SMYD3: variants seen among roughly 807,000 people sequenced by gnomAD.
SMYD3 encodes SET and MYND domain containing 3.
In SMYD3, 36 loss-of-function variants were observed where a neutral mutation model predicts 57.7. The ratio of observed to expected loss-of-function variants is 0.62; its 90% CI spans 0.48 to 0.82. The LOEUF (loss-of-function observed/expected upper bound fraction) is 0.82. Ranked by LOEUF, SMYD3 falls within the 40% of genes least tolerant of loss-of-function variation. The pLI is 0.00. For synonymous variants in SMYD3, 211 were observed against 195.0 expected, an observed-to-expected ratio of 1.08 and a Z score of -0.68; for missense variants, 515 against 538.8, an observed-to-expected ratio of 0.96 and a Z score of 0.44.
chr1:245,812,832 A>G (rs899581234), intron 10 of SMYD3, among the ~76,000 whole-genome samples: 4 of 151,822 alleles, frequency 2.6e-5, no homozygotes, highest in Non-Finnish European at 5.9e-5. Flanking sequence ...ATTTATCAGG[A>G]TATAGTCATG....
At chr1:246,198,422 T>C (rs1169066958) in intron 5 of SMYD3, among the ~76,000 whole-genome samples, 1 of 152,254 alleles carries the variant, frequency 6.6e-6, no homozygotes, top group African/African-American at 2.4e-5. Flanking sequence ...AATGAAATAC[T>C]ATTTTATTTT....
intron 5 of SMYD3, among the ~76,000 whole-genome samples, chr1:246,303,092 G>A (rs775822069): frequency 6.6e-6 from 1 of 152,236 alleles, no homozygotes; most frequent in Non-Finnish European, 1.5e-5. Flanking sequence ...AGAGCAGACA[G>A]AGTCTATGCT....
At chr1:246,177,341 C>T (rs1165684948) in intron 5 of SMYD3, among the ~76,000 whole-genome samples, 1 of 152,170 alleles carries the variant, frequency 6.6e-6, no homozygotes, top group Non-Finnish European at 1.5e-5. Context: ...GAGGACAAAA[C>T]AAAAACCTTT....
chr1:246,386,050 A>G (rs555308144), intron 1 of SMYD3, among the ~76,000 whole-genome samples: 84 of 152,136 alleles, frequency 5.5e-4, no homozygotes, highest in African/African-American at 1.9e-3. Flanking sequence ...CACCACGCCC[A>G]GCTAATTTTT....
chr1:245,882,801 A>G (rs1400907034), intron 8 of SMYD3, among the ~76,000 whole-genome samples: 1 of 152,246 alleles, frequency 6.6e-6, no homozygotes. Flanking sequence ...TAAATGATAT[A>G]TCACATAGCA....
chr1:246,456,155 T>C (rs2067696780), intron 1 of SMYD3, among the ~76,000 whole-genome samples: 1 of 152,184 alleles, frequency 6.6e-6, no homozygotes, highest in Admixed American at 6.5e-5. Flanking sequence ...TTCTTCTCAT[T>C]CTCCCTGTTT....
At chr1:246,410,579 T>C (rs1240832443) in intron 1 of SMYD3, among the ~76,000 whole-genome samples, 1 of 152,194 alleles carries the variant, frequency 6.6e-6, no homozygotes, top group African/African-American at 2.4e-5. Flanking sequence ...TTGCCAGTAT[T>C]TTATTGAGGA....
intron 5 of SMYD3, among the ~76,000 whole-genome samples, chr1:246,115,812 T>C (rs545772897): frequency 2.0e-5 from 3 of 152,256 alleles, no homozygotes; most frequent in South Asian, 4.1e-4. Flanking sequence ...AAAGAGATAA[T>C]AGATGAGCCA....
rs112411079 is a variant in SMYD3 at position 246,141,687 on chromosome 1, TA to T, written c.531+185513del. 2.8e-4 allele frequency among the ~76,000 whole-genome samples: 42 copies of T among 152,164 alleles called. No homozygotes were observed. In the South Asian group the frequency reaches 2.9e-3, roughly 11 times the overall value. ...ACTAACATGCCAACGTAAACACATT[TA>T]AAAAAAATCTTCATTTAAATTTATT... On this transcript the variant is annotated intron_variant, in intron 5 of 11. Coordinates refer to ENST00000490107, the MANE Select transcript of SMYD3 (RefSeq NM_001167740.2).
chr1:246,071,834 T>A (rs12032079), intron 5 of SMYD3, among the ~76,000 whole-genome samples: 918 of 112,166 alleles, frequency 8.2e-3, no homozygotes, highest in East Asian at 0.046. Context: ...CTGTGGATGC[T>A]TCCTGTTAGT....
intron 10 of SMYD3, among the ~76,000 whole-genome samples, chr1:245,783,075 C>G (rs1307875939): frequency 6.6e-6 from 1 of 152,172 alleles, no homozygotes; most frequent in Non-Finnish European, 1.5e-5. Flanking sequence ...ATGTTTATTC[C>G]ATATACAGAC....
At chr1:246,427,526 A>AAT (rs2067237682) in intron 1 of SMYD3, among the ~76,000 whole-genome samples, 1 of 147,372 alleles carries the variant, frequency 6.8e-6, no homozygotes, top group Non-Finnish European at 1.5e-5. Context: ...TCTCAAAAAA[A>AAT]AAAAAAATAA....
intron 1 of SMYD3, among the ~76,000 whole-genome samples, chr1:246,469,285 A>G (rs1202410083): frequency 1.3e-5 from 2 of 152,152 alleles, no homozygotes; most frequent in Non-Finnish European, 2.9e-5. Flanking sequence ...CCATTCCACA[A>G]TTCCCCTTGG....
intron 5 of SMYD3, among the ~76,000 whole-genome samples, chr1:246,172,959 A>T (rs1490981092): frequency 2.0e-5 from 3 of 148,232 alleles, no homozygotes; most frequent in Admixed American, 6.7e-5. Context: ...CACTCACTGT[A>T]CTCTACTGTA....
At chr1:246,436,866 C>T (rs1490690192) in intron 1 of SMYD3, among the ~76,000 whole-genome samples, 3 of 149,908 alleles carry the variant, frequency 2.0e-5, no homozygotes, top group Non-Finnish European at 3.0e-5. Flanking sequence ...GGGAAAAGGA[C>T]GATAGGGAAT....
intron 1 of SMYD3, among the ~76,000 whole-genome samples, chr1:246,444,579 T>C (rs1045397515): frequency 6.6e-6 from 1 of 152,034 alleles, no homozygotes; most frequent in Non-Finnish European, 1.5e-5. Flanking sequence ...AATGGAGAGG[T>C]AGGAAGGAAG....
chr1:245,963,416 C>T (rs958036874), intron 5 of SMYD3, among the ~76,000 whole-genome samples: 5 of 152,050 alleles, frequency 3.3e-5, no homozygotes, highest in African/African-American at 1.2e-4. Flanking sequence ...AATCAGTACC[C>T]GGTAGAAACC....
At position 246,003,388 on chromosome 1, in the gene SMYD3, G is replaced by A. The variant is rs12096444; in HGVS notation, c.532-73451C>T. Among the ~76,000 whole-genome samples, 166 of 152,282 alleles carry A rather than the reference G, an allele frequency of 1.1e-3. 1 individual carries two copies. Among genetic ancestry groups the A allele is most frequent in the African/African-American group, 3.7e-3 (152 of 41,564 alleles). ...ATCAAACTCTTTTAGGACTAATTCC[G>A]TCTTGCAACAATTCCAGGCAATAAA... On this transcript the variant is annotated intron_variant, in intron 5 of 11. Coordinates refer to ENST00000490107, the MANE Select transcript of SMYD3 (RefSeq NM_001167740.2).
chr1:245,858,807 T>C, intron 9 of SMYD3, 137 bp from the exon 10 acceptor site: 1 of 833,328 alleles, frequency 1.2e-6, no homozygotes, highest in Non-Finnish European at 1.8e-6. Flanking sequence ...ATGAGCTGCC[T>C]GAAAACACAC....
Sources: gnomAD v4.1 joint callset for allele counts (sites outside exome capture counted in the v4.1 genomes callset) on GRCh38, gnomAD v4.1.1 for gene constraint, MANE v1.5 for transcripts, NCBI Gene and HGNC (gene_info 2026-07-23, HGNC 2026-07-21) for gene names.